Variants in KCNIP4 observed in about 807,000 individuals in gnomAD.
The protein encoded by KCNIP4 is Kv channel-interacting protein 4.
A neutral mutation model predicts 34.0 loss-of-function variants in KCNIP4; 12 were observed. The ratio of observed to expected loss-of-function variants is 0.35; its 90% CI spans 0.23 to 0.57. The LOEUF is 0.57. Among genes scored for constraint, KCNIP4 ranks in the 20% least tolerant of loss-of-function variants. The pLI, the probability that KCNIP4 is intolerant of heterozygous loss-of-function variation, is 0.83. For missense variants in KCNIP4, 238 were observed against 311.7 expected, an observed-to-expected ratio of 0.76 and a Z score of 1.78; for synonymous variants, 124 against 102.2, an observed-to-expected ratio of 1.21 and a Z score of -1.29.
intron 1 of KCNIP4, among the ~76,000 whole-genome samples, chr4:21,026,061 G>A (rs1740534344): frequency 6.6e-6 from 1 of 152,098 alleles, no homozygotes; most frequent in South Asian, 2.1e-4. Context: ...ATCATGAAGA[G>A]TGTAATAAAG....
At chr4:20,876,462 C>G (rs1359346195) in intron 2 of KCNIP4, among the ~76,000 whole-genome samples, 1 of 152,108 alleles carries the variant, frequency 6.6e-6, no homozygotes, top group Non-Finnish European at 1.5e-5. Context: ...GACATTAAGT[C>G]ATCCATAAAG....
At chr4:21,645,812 GACC>G in intron 1 of KCNIP4, among the ~76,000 whole-genome samples, 1 of 151,858 alleles carries the variant, frequency 6.6e-6, no homozygotes, top group East Asian at 1.9e-4. Context: ...GGGTAGCAAT[GACC>G]ACAACTCTCA....
intron 1 of KCNIP4, among the ~76,000 whole-genome samples, chr4:21,691,682 A>G (rs539858814): frequency 3.0e-4 from 44 of 146,974 alleles, no homozygotes; most frequent in Non-Finnish European, 4.3e-4. Flanking sequence ...AAGAGGGGCA[A>G]ACGCAGCTCT....
At chr4:21,358,264 C>T (rs894924014) in intron 1 of KCNIP4, among the ~76,000 whole-genome samples, 3 of 152,000 alleles carry the variant, frequency 2.0e-5, no homozygotes, top group Non-Finnish European at 4.4e-5. Context: ...CACATGCATA[C>T]ATATGTAACA....
chr4:21,676,775 AAT>A (rs557933495), intron 1 of KCNIP4, among the ~76,000 whole-genome samples: 7 of 152,198 alleles, frequency 4.6e-5, no homozygotes. Context: ...AAAGTTGGAA[AAT>A]ATATGTTATG....
chr4:21,698,128 A>G (rs940907451), intron 1 of KCNIP4, among the ~76,000 whole-genome samples: 1 of 152,198 alleles, frequency 6.6e-6, no homozygotes, highest in Non-Finnish European at 1.5e-5. Context: ...TTGACGATTT[A>G]CCACCAAATG....
chr4:21,486,981 G>C (rs527834677), intron 1 of KCNIP4, among the ~76,000 whole-genome samples: 3 of 151,238 alleles, frequency 2.0e-5, no homozygotes, highest in African/African-American at 7.3e-5. Flanking sequence ...TTTTATTTTT[G>C]GTAGATACAG....
chr4:21,465,646 C>G (rs1432022438), intron 1 of KCNIP4, among the ~76,000 whole-genome samples: 3 of 152,156 alleles, frequency 2.0e-5, no homozygotes, highest in Admixed American at 1.3e-4. Flanking sequence ...GTTCGCCTAA[C>G]TTCTCCAAGC....
intron 3 of KCNIP4, among the ~76,000 whole-genome samples, chr4:20,776,496 A>G (rs1756384762): frequency 6.6e-6 from 1 of 152,168 alleles, no homozygotes; most frequent in African/African-American, 2.4e-5. Context: ...ATACTGAGGA[A>G]GATAAGGAGC....
At chr4:21,425,582 T>C (rs1308151206) in intron 1 of KCNIP4, among the ~76,000 whole-genome samples, 1 of 152,178 alleles carries the variant, frequency 6.6e-6, no homozygotes, top group Non-Finnish European at 1.5e-5. Flanking sequence ...ATTTTGTATA[T>C]TCAAATTACA....
chr4:21,536,229 G>A (rs1235779861), intron 1 of KCNIP4, among the ~76,000 whole-genome samples: 2 of 152,128 alleles, frequency 1.3e-5, no homozygotes, highest in African/African-American at 4.8e-5. Flanking sequence ...CTGGTGTCCT[G>A]CTGAGGCTAC....
At chr4:20,764,121 T>A (rs1755185969) in intron 3 of KCNIP4, among the ~76,000 whole-genome samples, 1 of 152,182 alleles carries the variant, frequency 6.6e-6, no homozygotes, top group Non-Finnish European at 1.5e-5. Context: ...GGTTCTGTAT[T>A]CTATTTTCTA....
chr4:21,030,173 T>C lies in KCNIP4; in HGVS notation c.62-147464A>G, dbSNP rs186237843. On this transcript the variant is annotated intron_variant, in intron 1 of 8. Transcript: ENST00000382152. ...TTACAGCAGCTCCCCATGGCTTGCA[T>C]TACTGCCTGAGCTCTGCCTCCTGTC... Among the ~76,000 whole-genome samples the C allele has an allele frequency of 1.4e-3, 208 of 152,212 alleles. 1 individual carries two copies. Among genetic ancestry groups the C allele is most frequent in the Non-Finnish European group, 2.0e-3 (134 of 68,000 alleles).
intron 1 of KCNIP4, among the ~76,000 whole-genome samples, chr4:21,242,188 A>C (rs1335548605): frequency 1.3e-5 from 2 of 148,242 alleles, no homozygotes; most frequent in African/African-American, 5.1e-5. Flanking sequence ...AAAAAAAAAG[A>C]ATGTCTTCTT....
intron 5 of KCNIP4, among the ~76,000 whole-genome samples, chr4:20,743,482 T>C (rs1266104719): frequency 6.6e-6 from 1 of 152,172 alleles, no homozygotes; most frequent in African/African-American, 2.4e-5. Flanking sequence ...TACAACCATC[T>C]GATCTTTGAC....
chr4:21,812,907 T>G (rs542264171), intron 1 of KCNIP4, among the ~76,000 whole-genome samples: 6 of 152,152 alleles, frequency 3.9e-5, no homozygotes, highest in African/African-American at 1.2e-4. Flanking sequence ...ATAGGATTCC[T>G]ATGCCAGGAT....
At chr4:20,822,185 C>G (rs1261639060) in intron 3 of KCNIP4, among the ~76,000 whole-genome samples, 3 of 152,042 alleles carry the variant, frequency 2.0e-5, no homozygotes, top group Non-Finnish European at 4.4e-5. Context: ...GGACTAATAT[C>G]CAGAATCTAC....
At chr4:21,158,785 G>C (rs1451117833) in intron 1 of KCNIP4, among the ~76,000 whole-genome samples, 1 of 151,918 alleles carries the variant, frequency 6.6e-6, no homozygotes, top group Non-Finnish European at 1.5e-5. Context: ...ATTCTAGCCA[G>C]TGCAACAACA....
chr4:21,612,943 G>T (rs1463999671), intron 1 of KCNIP4, among the ~76,000 whole-genome samples: 1 of 152,136 alleles, frequency 6.6e-6, no homozygotes, highest in East Asian at 1.9e-4. Context: ...ATCATTCTTA[G>T]TTTTAATAGA....
Sources: allele counts gnomAD v4.1 joint callset (sites outside exome capture counted in the v4.1 genomes callset), GRCh38; gene constraint gnomAD v4.1.1; transcripts MANE v1.5; gene names NCBI Gene and HGNC (gene_info 2026-07-23, HGNC 2026-07-21).